PTPRD: variants seen among roughly 807,000 people sequenced by gnomAD.
PTPRD encodes receptor-type tyrosine-protein phosphatase delta.
A neutral mutation model predicts 214.5 loss-of-function variants in PTPRD; 34 were observed. That is an observed-to-expected ratio of 0.16 (90% confidence interval 0.12 to 0.21). The LOEUF is 0.21. Ranked by LOEUF, PTPRD falls within the 10% of genes least tolerant of loss-of-function variation. The probability of loss-of-function intolerance (pLI) is 1.00; values close to 1 mark genes in which losing one functional copy is unlikely to be tolerated. For missense variants in PTPRD, 2,545 were observed against 2,398.7 expected (o/e 1.06, Z -1.27); for synonymous variants, 1,128 against 845.7 (o/e 1.33, Z -5.79).
At chr9:10,557,837 A>G (rs1237782631) in intron 2 of PTPRD, among the ~76,000 whole-genome samples, 2 of 152,172 alleles carry the variant, frequency 1.3e-5, no homozygotes, top group African/African-American at 2.4e-5. Context: ...ACTACATAGC[A>G]TATATATTTA....
chr9:9,969,609 A>C (rs546654383), intron 4 of PTPRD, among the ~76,000 whole-genome samples: 1 of 152,218 alleles, frequency 6.6e-6, no homozygotes, highest in Admixed American at 6.5e-5. Flanking sequence ...GCACAGAATG[A>C]GATCAAAGAA....
chr9:10,480,982 A>T (rs761831932), intron 2 of PTPRD, among the ~76,000 whole-genome samples: 2 of 152,094 alleles, frequency 1.3e-5, no homozygotes, highest in Non-Finnish European at 2.9e-5. Context: ...CCAGTGACTC[A>T]AGTCGAGTCA....
At chr9:10,331,805 C>G (rs966017974) in intron 3 of PTPRD, among the ~76,000 whole-genome samples, 2 of 151,820 alleles carry the variant, frequency 1.3e-5, no homozygotes, top group Non-Finnish European at 2.9e-5. Context: ...AAAAATACCT[C>G]TTAGATAAAA....
chr9:8,917,962 G>T (rs560733703), intron 11 of PTPRD, among the ~76,000 whole-genome samples: 1 of 152,230 alleles, frequency 6.6e-6, no homozygotes, highest in South Asian at 2.1e-4. Flanking sequence ...TCTCTTCAAG[G>T]ATGGGAGGTG....
At chr9:9,775,133 A>ATCATCAG (rs2098786902) in intron 5 of PTPRD, among the ~76,000 whole-genome samples, 1 of 152,206 alleles carries the variant, frequency 6.6e-6, no homozygotes, top group Admixed American at 6.5e-5. Flanking sequence ...GCATTTACGT[A>ATCATCAG]TCTGTCACCC....
intron 7 of PTPRD, among the ~76,000 whole-genome samples, chr9:9,577,063 T>C (rs1417774196): frequency 1.3e-5 from 2 of 152,162 alleles, no homozygotes; most frequent in African/African-American, 4.8e-5. Flanking sequence ...GGTATGTAGA[T>C]TGTAAGTCAT....
At chr9:10,233,523 C>A (rs2099619088) in intron 3 of PTPRD, among the ~76,000 whole-genome samples, 1 of 151,820 alleles carries the variant, frequency 6.6e-6, no homozygotes, top group African/African-American at 2.4e-5. Flanking sequence ...GAAAAAAAAT[C>A]AGATTAAATA....
At chr9:9,041,712 T>C (rs1197078749) in intron 10 of PTPRD, among the ~76,000 whole-genome samples, 2 of 152,182 alleles carry the variant, frequency 1.3e-5, no homozygotes, top group Non-Finnish European at 1.5e-5. Context: ...AAGTTAGCAC[T>C]GGAAGGCATC....
At chr9:8,853,609 C>G (rs1223201995) in intron 11 of PTPRD, among the ~76,000 whole-genome samples, 1 of 152,142 alleles carries the variant, frequency 6.6e-6, no homozygotes, top group Admixed American at 6.5e-5. Flanking sequence ...ACAAGTGATG[C>G]TTGTTCAAAT....
intron 12 of PTPRD, among the ~76,000 whole-genome samples, chr9:8,671,629 T>C (rs1334685580): frequency 6.6e-6 from 1 of 152,104 alleles, no homozygotes; most frequent in Non-Finnish European, 1.5e-5. Flanking sequence ...CTACACTGAA[T>C]ACGGAAATAC....
intron 5 of PTPRD, among the ~76,000 whole-genome samples, chr9:9,927,561 T>C (rs2084781882): frequency 6.6e-6 from 1 of 152,170 alleles, no homozygotes. Context: ...GATCTCTCCT[T>C]ATCTTTTAGC....
At chr9:8,500,300 T>C (rs887349598) in intron 24 of PTPRD, among the ~76,000 whole-genome samples, 1 of 151,772 alleles carries the variant, frequency 6.6e-6, no homozygotes, top group Non-Finnish European at 1.5e-5. Context: ...CATATCAAAG[T>C]TATTCCATAC....
chr9:8,821,861 C>T (rs1316601939), intron 11 of PTPRD, among the ~76,000 whole-genome samples: 2 of 152,190 alleles, frequency 1.3e-5, no homozygotes, highest in African/African-American at 4.8e-5. Context: ...GACGGGGTTT[C>T]ACCATCTTGG....
intron 2 of PTPRD, among the ~76,000 whole-genome samples, chr9:10,540,323 C>T (rs1348462371): frequency 2.6e-5 from 4 of 152,240 alleles, no homozygotes; most frequent in East Asian, 1.9e-4. Context: ...CCACCGGACC[C>T]GGGCATATTG....
At position 8,373,850 on chromosome 9, in the gene PTPRD, G is replaced by GTC. The variant is rs760402904; in HGVS notation, c.4661+2085_4661+2086insGA. Among the ~76,000 whole-genome samples, 265 of 134,642 alleles carry GTC rather than the reference G, an allele frequency of 2.0e-3. 6 individuals carry two copies. The highest frequency in any genetic ancestry group is 6.8e-3 in the African/African-American group (248 of 36,326). 88.3% of individuals were successfully genotyped at this position (134,642 alleles called of 152,430 possible). A position where few individuals can be genotyped will look rare whatever the true frequency, so the allele number is the denominator to read the frequency against. ...TATGTATGTATGTATGTATGTATGT[G>GTC]TATGTGTCTGTCTGTCTATCTATCT... is the stretch of plus-strand genomic sequence containing the variant. On this transcript the variant is annotated intron_variant, in intron 39 of 45. Coordinates refer to ENST00000381196, the MANE Select transcript of PTPRD (RefSeq NM_002839.4).
chr9:8,529,726 G>A (rs573499706), intron 14 of PTPRD, among the ~76,000 whole-genome samples: 232 of 152,218 alleles, frequency 1.5e-3, no homozygotes, highest in African/African-American at 5.5e-3. Context: ...TCTAAGCATC[G>A]AAAGAATTTT....
intron 11 of PTPRD, among the ~76,000 whole-genome samples, chr9:8,920,285 G>A (rs1475554282): frequency 2.6e-5 from 4 of 152,008 alleles, no homozygotes; most frequent in South Asian, 4.1e-4. Context: ...AGGTTGCAGT[G>A]AGCCAAGATT....
rs552966997 is a variant in PTPRD at position 9,545,116 on chromosome 9, T to G, written c.-237+29616A>C. On this transcript the variant is annotated intron_variant, in intron 8 of 45. Transcript: ENST00000381196. ...ATCCCCCACCAAAATAGTACACTTGTTAAAATTGCTGAACCTATGTTAACA... is the reference window on the plus strand; with the variant it reads ...ATCCCCCACCAAAATAGTACACTTGGTAAAATTGCTGAACCTATGTTAACA... 2.6e-5 allele frequency among the ~76,000 whole-genome samples: 4 copies of G among 151,812 alleles called. No homozygotes were observed. The South Asian group carries it at 8.3e-4, about 31-fold the overall frequency.
At chr9:9,053,094 G>T (rs886210988) in intron 10 of PTPRD, among the ~76,000 whole-genome samples, 2 of 152,088 alleles carry the variant, frequency 1.3e-5, no homozygotes, top group Admixed American at 1.3e-4. Context: ...AGATATAGGG[G>T]TATAACCTAA....
Sources: gnomAD v4.1 joint callset for allele counts (sites outside exome capture counted in the v4.1 genomes callset) on GRCh38, gnomAD v4.1.1 for gene constraint, MANE v1.5 for transcripts, NCBI Gene and HGNC (gene_info 2026-07-23, HGNC 2026-07-21) for gene names.